SH3PXD2A: variants seen among roughly 807,000 people sequenced by gnomAD.
SH3PXD2A encodes the protein SH3 and PX domains 2A.
In SH3PXD2A, 32 loss-of-function variants were observed where a neutral mutation model predicts 115.2. That is an observed-to-expected ratio of 0.28 (90% confidence interval 0.21 to 0.37). The LOEUF (loss-of-function observed/expected upper bound fraction) is 0.37. Ranked by LOEUF, SH3PXD2A falls within the 10% of genes least tolerant of loss-of-function variation. The pLI is 1.00. For missense variants in SH3PXD2A, 1,328 were observed against 1,498.7 expected, an observed-to-expected ratio of 0.89 and a Z score of 1.88; for synonymous variants, 610 against 629.1, an observed-to-expected ratio of 0.97 and a Z score of 0.45.
intron 10 of SH3PXD2A, among the ~76,000 whole-genome samples, chr10:103,621,741 T>C (rs2133947917): frequency 6.6e-6 from 1 of 152,310 alleles, no homozygotes; most frequent in African/African-American, 2.4e-5. Context: ...ACCTCCCAGG[T>C]TCCTGGATGC....
intron 5 of SH3PXD2A, among the ~76,000 whole-genome samples, chr10:103,696,155 G>A (rs2037821844): frequency 6.6e-6 from 1 of 152,222 alleles, no homozygotes; most frequent in Admixed American, 6.5e-5. Flanking sequence ...GGGGTCACCA[G>A]GCTGTGACTG....
At chr10:103,641,312 C>T (rs960182814) in intron 8 of SH3PXD2A, among the ~76,000 whole-genome samples, 1 of 152,048 alleles carries the variant, frequency 6.6e-6, no homozygotes, top group African/African-American at 2.4e-5. Context: ...TGTGCAGGTC[C>T]CCCTCCTGGC....
chr10:103,631,951 C>T (rs1381085106), intron 8 of SH3PXD2A, among the ~76,000 whole-genome samples: 1 of 151,988 alleles, frequency 6.6e-6, no homozygotes, highest in Admixed American at 6.5e-5. Context: ...GATCCCATCT[C>T]TTAAAAAAAA....
At chr10:103,634,796 C>T (rs1467652934) in intron 8 of SH3PXD2A, among the ~76,000 whole-genome samples, 1 of 152,172 alleles carries the variant, frequency 6.6e-6, no homozygotes, top group Non-Finnish European at 1.5e-5. Context: ...CAGGTCCTGG[C>T]TTGCTGCTTC....
intron 1 of SH3PXD2A, among the ~76,000 whole-genome samples, chr10:103,813,650 A>T (rs1219749556): frequency 6.6e-6 from 1 of 152,196 alleles, no homozygotes; most frequent in Admixed American, 6.5e-5. Context: ...TCTTTTGAAC[A>T]TGTATAGCTT....
chr10:103,743,242 G>A (rs1031203543), intron 3 of SH3PXD2A, among the ~76,000 whole-genome samples: 9 of 152,014 alleles, frequency 5.9e-5, no homozygotes, highest in African/African-American at 1.7e-4. Context: ...CCACTAATGG[G>A]GCTTTCTTCA....
intron 8 of SH3PXD2A, among the ~76,000 whole-genome samples, chr10:103,632,854 G>A (rs973581894): frequency 3.2e-5 from 1 of 30,892 alleles, no homozygotes; most frequent in South Asian, 1.4e-3. Flanking sequence ...TGTGCCTGTA[G>A]TCCCAAGTAA....
intron 1 of SH3PXD2A, among the ~76,000 whole-genome samples, 163 bp downstream of exon 1, chr10:103,855,032 G>C (rs1310329476): frequency 6.6e-6 from 1 of 152,122 alleles, no homozygotes; most frequent in Non-Finnish European, 1.5e-5. Flanking sequence ...GGACAGAAGA[G>C]GCTTCCCTGG....
chr10:103,598,545 G>A lies in SH3PXD2A; in HGVS notation c.*3271C>T, dbSNP rs1203487291. 6.5e-6 allele frequency: 1 copy of A among 152,674 alleles called. No individual in the cohort carries two copies. The highest frequency in any genetic ancestry group is 2.4e-5 in the African/African-American group (1 of 41,454). 9.5% of individuals were successfully genotyped at this position (152,674 alleles called of 1,614,324 possible). ...ATTATGGTTAAAGTTGCAGTATACA[G>A]CAATACAGTGTCGTTTCACATTTTC... On this transcript the variant is annotated 3_prime_UTR_variant, in exon 15 of 15. Coordinates refer to ENST00000369774, the MANE Select transcript of SH3PXD2A (RefSeq NM_001394015.1).
chr10:103,688,441 G>C (rs1197013115), intron 6 of SH3PXD2A, among the ~76,000 whole-genome samples: 1 of 152,228 alleles, frequency 6.6e-6, no homozygotes, highest in African/African-American at 2.4e-5. Flanking sequence ...AGGATCACTA[G>C]AGTGTGGGAA....
chr10:103,683,285 G>A (rs994104476), intron 6 of SH3PXD2A, among the ~76,000 whole-genome samples: 1 of 152,112 alleles, frequency 6.6e-6, no homozygotes, highest in Admixed American at 6.5e-5. Flanking sequence ...GGCTGAGGCG[G>A]GTGGACTGCC....
chr10:103,806,047 G>A lies in SH3PXD2A; in HGVS notation c.73-4685C>T, dbSNP rs557339399. Among the ~76,000 whole-genome samples, 4 of 152,306 alleles carry A rather than the reference G, an allele frequency of 2.6e-5. No homozygotes were observed. In the South Asian group the frequency reaches 8.3e-4, roughly 32 times the overall value. Reference sequence around the variant, plus strand: ...CAGCCACACTTCCCCCTAAAAAGCAGTTCTTTCCTTGTTTGGCAAAGGATT... The same window carrying A: ...CAGCCACACTTCCCCCTAAAAAGCAATTCTTTCCTTGTTTGGCAAAGGATT... On this transcript the variant is annotated intron_variant, in intron 1 of 14. Coordinates refer to ENST00000369774, the MANE Select transcript of SH3PXD2A (RefSeq NM_001394015.1).
At chr10:103,816,601 C>T (rs776735289) in intron 1 of SH3PXD2A, among the ~76,000 whole-genome samples, 45 of 152,274 alleles carry the variant, frequency 3.0e-4, no homozygotes, top group Non-Finnish European at 4.6e-4. Flanking sequence ...CTATCAGCTC[C>T]TCAGATGGTT....
intron 6 of SH3PXD2A, among the ~76,000 whole-genome samples, chr10:103,679,534 T>C (rs1327232340): frequency 3.9e-5 from 6 of 152,104 alleles, no homozygotes; most frequent in African/African-American, 1.4e-4. Flanking sequence ...AGCCAAGTCA[T>C]GGAGGAAGGG....
chr10:103,718,491 G>A (rs1297261761), intron 5 of SH3PXD2A, among the ~76,000 whole-genome samples: 2 of 136,614 alleles, frequency 1.5e-5, no homozygotes, highest in African/African-American at 2.9e-5. Flanking sequence ...AGGGCTGGGG[G>A]CTGGGGGGCT....
intron 5 of SH3PXD2A, among the ~76,000 whole-genome samples, chr10:103,712,444 G>A (rs1019508681): frequency 3.9e-5 from 6 of 152,294 alleles, no homozygotes; most frequent in South Asian, 4.1e-4. Flanking sequence ...TTCTAGAACC[G>A]GTTTCCCTGT....
At chr10:103,781,438 T>C (rs546161209) in intron 2 of SH3PXD2A, among the ~76,000 whole-genome samples, 2 of 152,228 alleles carry the variant, frequency 1.3e-5, no homozygotes, top group Non-Finnish European at 2.9e-5. Flanking sequence ...CCTGAATGAC[T>C]GCCTGGAGCA....
chr10:103,632,508 T>C (rs910688166), intron 8 of SH3PXD2A, among the ~76,000 whole-genome samples: 2 of 152,054 alleles, frequency 1.3e-5, no homozygotes, highest in Non-Finnish European at 2.9e-5. Flanking sequence ...GGCCCAACAG[T>C]GTGACTCACG....
intron 5 of SH3PXD2A, among the ~76,000 whole-genome samples, chr10:103,718,789 A>ACACACACACACG (rs2038140508): frequency 6.7e-6 from 1 of 150,366 alleles, no homozygotes; most frequent in Non-Finnish European, 1.5e-5. Flanking sequence ...ACACACACAC[A>ACACACACACACG]CACACACACG....
Sources: gnomAD v4.1 joint callset for allele counts (sites outside exome capture counted in the v4.1 genomes callset) on GRCh38, gnomAD v4.1.1 for gene constraint, MANE v1.5 for transcripts, NCBI Gene and HGNC (gene_info 2026-07-23, HGNC 2026-07-21) for gene names.